The following RGS7 variants were observed in gnomAD, a reference collection of about 807,000 sequenced individuals.
The protein encoded by RGS7 is regulator of G protein signaling 7.
A neutral mutation model predicts 81.1 loss-of-function variants in RGS7; 27 were observed. The observed-to-expected ratio is 0.33, with a 90% CI of 0.25 to 0.46. RGS7 has a LOEUF of 0.46. Among genes scored for constraint, RGS7 ranks in the 20% least tolerant of loss-of-function variants. The pLI, the probability that RGS7 is intolerant of heterozygous loss-of-function variation, is 1.00. For synonymous variants in RGS7, 208 were observed against 207.7 expected, an observed-to-expected ratio of 1.00 and a Z score of -0.01; for missense variants, 396 against 607.4, an observed-to-expected ratio of 0.65 and a Z score of 3.66.
chr1:241,053,580 T>C (rs1290021224), intron 3 of RGS7, among the ~76,000 whole-genome samples: 2 of 152,222 alleles, frequency 1.3e-5, no homozygotes, highest in Non-Finnish European at 2.9e-5. Flanking sequence ...GATTCTACTT[T>C]CATAGATCTT....
At chr1:240,850,186 GT>G (rs1246781051) in intron 9 of RGS7, among the ~76,000 whole-genome samples, 1 of 152,140 alleles carries the variant, frequency 6.6e-6, no homozygotes, top group African/African-American at 2.4e-5. Flanking sequence ...GTGGGTTTTT[GT>G]TTTTGTTTTG....
chr1:241,177,905 C>T (rs2071280469), intron 2 of RGS7, among the ~76,000 whole-genome samples: 1 of 152,120 alleles, frequency 6.6e-6, no homozygotes, highest in Non-Finnish European at 1.5e-5. Context: ...GAGAAGAATC[C>T]AGAGGTCCAA....
At chr1:240,821,174 C>T (rs550730458) in intron 10 of RGS7, among the ~76,000 whole-genome samples, 4 of 152,178 alleles carry the variant, frequency 2.6e-5, no homozygotes, top group South Asian at 4.1e-4. Flanking sequence ...CCCTCTTGGC[C>T]GGGTGTGGTG....
At chr1:240,987,726 C>T (rs1397438387) in intron 3 of RGS7, among the ~76,000 whole-genome samples, 2 of 151,628 alleles carry the variant, frequency 1.3e-5, no homozygotes, top group East Asian at 2.0e-4. Flanking sequence ...GATGGGGTCT[C>T]GCTATGTTGC....
intron 2 of RGS7, among the ~76,000 whole-genome samples, chr1:241,233,228 C>T (rs769960489): frequency 7.2e-5 from 11 of 152,306 alleles, no homozygotes; most frequent in Admixed American, 2.0e-4. Context: ...TTTCTTTATG[C>T]TAGGGACATT....
At chr1:241,312,279 A>G (rs996954123) in intron 2 of RGS7, among the ~76,000 whole-genome samples, 29 of 152,344 alleles carry the variant, frequency 1.9e-4, no homozygotes, top group African/African-American at 6.7e-4. Flanking sequence ...CATTCTAGTG[A>G]GAGAAACAGA....
intron 2 of RGS7, among the ~76,000 whole-genome samples, chr1:241,240,133 A>T (rs1168174315): frequency 6.6e-6 from 1 of 152,214 alleles, no homozygotes; most frequent in East Asian, 1.9e-4. Context: ...TGACTTACTC[A>T]GTGTGAGACA....
At chr1:241,330,336 G>C (rs2081898227) in intron 2 of RGS7, among the ~76,000 whole-genome samples, 1 of 152,160 alleles carries the variant, frequency 6.6e-6, no homozygotes, top group South Asian at 2.1e-4. Context: ...GGGTGAAAGG[G>C]AATATACCAC....
chr1:240,815,179 AT>A (rs1168751168), intron 11 of RGS7, among the ~76,000 whole-genome samples: 2 of 152,026 alleles, frequency 1.3e-5, no homozygotes, highest in African/African-American at 2.4e-5. Context: ...CTGTAAAAAA[AT>A]ATATACAAAA....
intron 3 of RGS7, among the ~76,000 whole-genome samples, chr1:241,049,410 T>C (rs535148326): frequency 6.6e-6 from 1 of 152,344 alleles, no homozygotes; most frequent in African/African-American, 2.4e-5. Context: ...TTGAAAATCC[T>C]TGACCTTTGG....
intron 2 of RGS7, among the ~76,000 whole-genome samples, chr1:241,260,208 C>T (rs936227254): frequency 1.3e-5 from 2 of 152,144 alleles, no homozygotes; most frequent in Admixed American, 6.5e-5. Context: ...CCACAATTGT[C>T]CTATCAATTA....
chr1:241,263,390 A>G (rs2077433199), intron 2 of RGS7, among the ~76,000 whole-genome samples: 1 of 152,174 alleles, frequency 6.6e-6, no homozygotes. Context: ...TCTGGGGAAC[A>G]TGTAGTGCCC....
chr1:240,902,433 A>G (rs1310761396), intron 6 of RGS7, among the ~76,000 whole-genome samples: 1 of 152,160 alleles, frequency 6.6e-6, no homozygotes, highest in Non-Finnish European at 1.5e-5. Flanking sequence ...GGAGTACACT[A>G]TCATTACATT....
chr1:241,268,065 T>A (rs551661353), intron 2 of RGS7, among the ~76,000 whole-genome samples: 1 of 152,206 alleles, frequency 6.6e-6, no homozygotes, highest in East Asian at 1.9e-4. Flanking sequence ...ACACTAGGGG[T>A]CTTGCTAGCT....
chr1:241,210,103 A>G (rs1408255337), intron 2 of RGS7, among the ~76,000 whole-genome samples: 1 of 152,082 alleles, frequency 6.6e-6, no homozygotes, highest in Non-Finnish European at 1.5e-5. Flanking sequence ...GGCAAAATGG[A>G]GCCTTGAGGA....
At chr1:240,919,958 T>G (rs1673229574) in intron 6 of RGS7, 2 of 1,335,882 alleles carry the variant, frequency 1.5e-6, no homozygotes. Context: ...CCCACTTAAC[T>G]GTGAAAAACA....
intron 2 of RGS7, among the ~76,000 whole-genome samples, chr1:241,292,347 T>C (rs114693130): frequency 1.4e-3 from 210 of 152,214 alleles, no homozygotes; most frequent in African/African-American, 4.9e-3. Flanking sequence ...TGCTACACTT[T>C]TATTCAACTA....
At chr1:241,147,312 G>A (rs779137057) in intron 2 of RGS7, among the ~76,000 whole-genome samples, 1 of 152,166 alleles carries the variant, frequency 6.6e-6, no homozygotes, top group Non-Finnish European at 1.5e-5. Context: ...TAGCCAGTGT[G>A]ATCATTCCTT....
intron 18 of RGS7, among the ~76,000 whole-genome samples, chr1:240,779,251 G>A (rs1390893355): frequency 6.6e-6 from 1 of 151,708 alleles, no homozygotes; most frequent in Admixed American, 6.6e-5. Context: ...TGAGTTGCTG[G>A]GTTCAAGCGA....
Sources: allele counts gnomAD v4.1 joint callset (sites outside exome capture counted in the v4.1 genomes callset), GRCh38; gene constraint gnomAD v4.1.1; transcripts MANE v1.5; gene names NCBI Gene and HGNC (gene_info 2026-07-23, HGNC 2026-07-21).